Variants in ZNF717 observed in about 807,000 individuals in gnomAD.
ZNF717 encodes the protein zinc finger protein 717, also known as krueppel-like factor X17.
A neutral mutation model predicts 13.8 loss-of-function variants in ZNF717; 9 were observed. The observed-to-expected ratio is 0.65, with a 90% CI of 0.39 to 1.14. The LOEUF is 1.14. Among genes scored for constraint, ZNF717 ranks in the 50% most tolerant of loss-of-function variants. ZNF717 has a pLI of 0.01. For synonymous variants in ZNF717, 327 were observed against 364.1 expected, an observed-to-expected ratio of 0.90 and a Z score of 1.16; for missense variants, 1,040 against 1,080.7, an observed-to-expected ratio of 0.96 and a Z score of 0.53.
intron 2 of ZNF717, among the ~76,000 whole-genome samples, chr3:75,758,920 T>A (rs374720320): frequency 6.6e-6 from 1 of 152,178 alleles, no homozygotes; most frequent in East Asian, 1.9e-4. Flanking sequence ...GGGGTTTGAT[T>A]GAGCAGGAGG....
chr3:75,701,331 C>T (rs1397275233), intron 6 of ZNF717, among the ~76,000 whole-genome samples: 2 of 152,296 alleles, frequency 1.3e-5, no homozygotes, highest in African/African-American at 4.8e-5. Flanking sequence ...TGAGGCCTCC[C>T]CAGCCATTTG....
chr3:75,760,523 C>T (rs1037431144), intron 2 of ZNF717, among the ~76,000 whole-genome samples: 1 of 152,110 alleles, frequency 6.6e-6, no homozygotes, highest in East Asian at 1.9e-4. Flanking sequence ...TACCCAAACT[C>T]AGGAGGAGGC....
downstream of ZNF717, among the ~76,000 whole-genome samples, chr3:75,728,662 T>G (rs1430890041): frequency 5.9e-5 from 9 of 152,274 alleles, no homozygotes; most frequent in Non-Finnish European, 1.3e-4. Flanking sequence ...CTGCTTGCAC[T>G]CATTGTCTCT....
chr3:75,745,858 C>T (rs796497722), intron 2 of ZNF717, among the ~76,000 whole-genome samples: 1 of 150,566 alleles, frequency 6.6e-6, no homozygotes, highest in Non-Finnish European at 1.5e-5. Flanking sequence ...ATATATTTTC[C>T]ATATTGAATT....
rs930314818 is a variant in ZNF717, at chr3:75,779,575, G to T, written c.57+3731C>A. Among the ~76,000 whole-genome samples the T allele has an allele frequency of 1.1e-4, 16 of 143,736 alleles. 1 individual carries two copies. The highest frequency in any genetic ancestry group is 6.9e-4 in the Admixed American group (10 of 14,490). 94.3% of individuals were successfully genotyped at this position (143,736 alleles called of 152,430 possible). A position where few individuals can be genotyped will look rare whatever the true frequency, so the allele number is the denominator to read the frequency against. ...AGAAACCCAAAACAACGGGAGTGACGTGCTAAAACCGCAACCCAAAACACT... is the reference window on the plus strand; with the variant it reads ...AGAAACCCAAAACAACGGGAGTGACTTGCTAAAACCGCAACCCAAAACACT... On this transcript the variant is annotated intron_variant, in intron 2 of 4. Coordinates refer to ENST00000652011, the MANE Select transcript of ZNF717 (RefSeq NM_001290208.3).
In ZNF717 at chr3:75,736,946, T is replaced by G; in HGVS notation, c.2677A>C (p.Ile893Leu). The change falls in exon 5 of 5, where the codon ATA (isoleucine) becomes CTA (leucine). Residue 893 changes from isoleucine to leucine, a missense_variant. Ile to Leu is a conservative substitution (Grantham distance 5, BLOSUM62 2). Coordinates refer to ENST00000652011, the MANE Select transcript of ZNF717 (RefSeq NM_001290208.3). ...TCAGCTACGTCAGATTTCTCTCCTATATGGGTTTGTTGATGCCTGCTGAGG... is the reference window on the plus strand; with the variant it reads ...TCAGCTACGTCAGATTTCTCTCCTAGATGGGTTTGTTGATGCCTGCTGAGG... Reference protein sequence around the residue: ...SHLSRHQQTHIGEKSDVAEAG... With the variant: ...SHLSRHQQTHLGEKSDVAEAG... 8.3e-6 allele frequency: 13 copies of G among 1,566,748 alleles called. No individual in the cohort carries two copies. Among genetic ancestry groups the G allele is most frequent in the Non-Finnish European group, 1.1e-5 (13 of 1,156,102 alleles).
intron 4 of ZNF717, among the ~76,000 whole-genome samples, chr3:75,740,989 T>C (rs1940344706): frequency 6.6e-6 from 1 of 152,018 alleles, no homozygotes; most frequent in African/African-American, 2.4e-5. Context: ...TACATCAGAA[T>C]AGAGGAAAAG....
chr3:75,780,563 G>A (rs1348882565), intron 2 of ZNF717, among the ~76,000 whole-genome samples: 8 of 143,660 alleles, frequency 5.6e-5, no homozygotes, highest in Non-Finnish European at 1.1e-4. Flanking sequence ...CACCACGCTC[G>A]GCTAATTTTT....
Position 75,738,758 on chromosome 3 carries a change from C to T in ZNF717, c.865G>A (p.Glu289Lys). 6.4e-7 allele frequency: 1 copy of T among 1,552,558 alleles called. No homozygotes were observed. The highest frequency in any genetic ancestry group is 8.7e-7 in the Non-Finnish European group (1 of 1,147,660). The change falls in exon 5 of 5, where the codon GAG becomes AAG. Residue 289 changes from glutamate (E) to lysine (K), a missense_variant. Around this residue, in one of 3 missense-constraint regions of ZNF717, gnomAD observed 873 missense variants for 832.8 expected, o/e 1.05. Coordinates refer to ENST00000652011, the MANE Select transcript of ZNF717 (RefSeq NM_001290208.3). ...GEKPYECVEC[E>K]KPSISKSDLM... ...TCTGATTTGCTAATGGAGGGTTTCTCACATTCAACACATTCATAGGGTTTC... is the reference window on the plus strand; with the variant it reads ...TCTGATTTGCTAATGGAGGGTTTCTTACATTCAACACATTCATAGGGTTTC...
chr3:75,768,484 G>GT (rs1943661714), intron 2 of ZNF717, among the ~76,000 whole-genome samples: 2 of 148,418 alleles, frequency 1.3e-5, no homozygotes, highest in African/African-American at 2.5e-5. Context: ...TTGAGTGTGT[G>GT]CGGGGGCAGA....
chr3:75,738,504 T>TC lies in ZNF717; in HGVS notation c.1118dup (p.Thr375AsnfsTer5). The TC allele has an allele frequency of 6.5e-7, 1 of 1,530,938 alleles. No individual in the cohort carries two copies. Among genetic ancestry groups the TC allele is most frequent in the Non-Finnish European group, 8.8e-7 (1 of 1,132,288 alleles). The allele number at this position is 1,530,938 out of a possible 1,614,324, so 94.8% of individuals were successfully genotyped here. On this transcript the variant is annotated frameshift_variant, in exon 5 of 5. Transcript: ENST00000652011. LOFTEE classifies it low-confidence loss of function (END_TRUNC). ...GAAGTGACTTACAGTGAAAAGTTTT[T>TC]CCACATTCAATACATTTGTAGGGTT...
At chr3:75,720,073 C>T (rs1938139622) in intron 4 of ZNF717, among the ~76,000 whole-genome samples, 1 of 151,866 alleles carries the variant, frequency 6.6e-6, no homozygotes. Flanking sequence ...ATTAGTTCAG[C>T]CACTGTGGAA....
rs1940010786 is a variant in ZNF717 at position 75,739,224 on chromosome 3, T to C, written c.399A>G (p.Thr133=). The C allele has an allele frequency of 3.2e-6, 5 of 1,550,518 alleles. No individual in the cohort carries two copies. In the African/African-American group the frequency reaches 4.1e-5, roughly 13 times the overall value. ...STQERVELGK[T]FNLNSNHVLN... is the part of the protein sequence containing the mutation. ...AAACATGGTTTGAGTTCAAATTAAA[T>C]GTTTTTCCTAATTCAACTCTCTCCT... Residue 133 remains threonine (T), a synonymous_variant, in exon 5 of 5, where the codon ACA becomes ACG. Coordinates refer to ENST00000652011, the MANE Select transcript of ZNF717 (RefSeq NM_001290208.3).
At chr3:75,753,201 G>A (rs76957317) in intron 2 of ZNF717, among the ~76,000 whole-genome samples, 2 of 149,948 alleles carry the variant, frequency 1.3e-5, no homozygotes, top group Admixed American at 6.6e-5. Context: ...TGCTGCGAGT[G>A]TCTGAATGTT....
At chr3:75,784,367 C>G (rs965307184) in intron 1 of ZNF717, among the ~76,000 whole-genome samples, 3 of 152,158 alleles carry the variant, frequency 2.0e-5, no homozygotes, top group African/African-American at 7.2e-5. Context: ...CCTAAGTGAA[C>G]AGAATTCAAT....
chr3:75,731,710 T>C (rs1168419635), downstream of ZNF717, among the ~76,000 whole-genome samples: 20 of 152,198 alleles, frequency 1.3e-4, no homozygotes, highest in African/African-American at 4.8e-4. Flanking sequence ...TCCAGGAGTT[T>C]GAGACCAGCC....
intron 4 of ZNF717, among the ~76,000 whole-genome samples, chr3:75,722,859 T>C (rs1242679631): frequency 2.7e-5 from 4 of 149,622 alleles, no homozygotes; most frequent in Non-Finnish European, 3.0e-5. Context: ...TTCTTCTTCT[T>C]TGATCTCCAA....
At chr3:75,766,419 T>C (rs1054296707) in intron 2 of ZNF717, among the ~76,000 whole-genome samples, 1 of 152,142 alleles carries the variant, frequency 6.6e-6, no homozygotes, top group African/African-American at 2.4e-5. Context: ...AAACAAAATA[T>C]ATCACCAGAA....
intron 4 of ZNF717, among the ~76,000 whole-genome samples, chr3:75,718,378 G>C (rs1271615342): frequency 6.6e-6 from 1 of 152,160 alleles, no homozygotes; most frequent in East Asian, 1.9e-4. Flanking sequence ...GTAAGAGACA[G>C]GTGGTGATGA....
Sources: allele counts gnomAD v4.1 joint callset (sites outside exome capture counted in the v4.1 genomes callset), GRCh38; gene constraint gnomAD v4.1.1; regional missense constraint gnomAD v4.1.1; transcripts MANE v1.5; gene names NCBI Gene and HGNC (gene_info 2026-07-23, HGNC 2026-07-21).